AUTS2: variants seen among roughly 807,000 people sequenced by gnomAD.
AUTS2 encodes the protein autism susceptibility gene 2 protein.
Under a neutral mutation model 112.4 loss-of-function variants are expected in AUTS2, and 17 were observed. The observed-to-expected ratio is 0.15, with a 90% CI of 0.10 to 0.23. AUTS2 has a LOEUF of 0.23. AUTS2 is among the 10% of genes least tolerant of loss of function. The probability of loss-of-function intolerance (pLI) is 1.00; values close to 1 mark genes in which losing one functional copy is unlikely to be tolerated. For missense variants in AUTS2, 1,510 were observed against 1,701.6 expected, an observed-to-expected ratio of 0.89 and a Z score of 1.98; for synonymous variants, 751 against 702.7, an observed-to-expected ratio of 1.07 and a Z score of -1.09.
chr7:70,512,682 A>G (rs1434768535), intron 5 of AUTS2, among the ~76,000 whole-genome samples: 2 of 152,200 alleles, frequency 1.3e-5, no homozygotes, highest in African/African-American at 4.8e-5. Context: ...GCTCAGGAGC[A>G]TGGAAATTGG....
intron 1 of AUTS2, among the ~76,000 whole-genome samples, chr7:69,807,159 A>G (rs1790345449): frequency 6.6e-6 from 1 of 152,178 alleles, no homozygotes. Flanking sequence ...GCACAATCTA[A>G]TTTTGTTTCC....
At chr7:70,504,724 T>C (rs997590551) in intron 5 of AUTS2, among the ~76,000 whole-genome samples, 2 of 152,210 alleles carry the variant, frequency 1.3e-5, no homozygotes, top group African/African-American at 4.8e-5. Flanking sequence ...TATCCACGTT[T>C]CTGTAATCTT....
chr7:70,518,622 G>T (rs1799516238), intron 5 of AUTS2, among the ~76,000 whole-genome samples: 1 of 151,728 alleles, frequency 6.6e-6, no homozygotes, highest in Non-Finnish European at 1.5e-5. Flanking sequence ...GCCGGAGCTT[G>T]CAGTGAGCCG....
rs73449691 is a variant in AUTS2 at position 70,625,328 on chromosome 7, A to G, written c.691-73241A>G. On this transcript the variant is annotated intron_variant, in intron 5 of 18. Transcript: ENST00000342771. ...GAATGAATGAATGAGTGTGTATCCA[A>G]TTTGACTTTAGAGTTATTTCCCGAC... Among the ~76,000 whole-genome samples, 923 of 152,186 alleles carry G rather than the reference A, an allele frequency of 6.1e-3. 8 individuals are homozygous for G. The highest frequency in any genetic ancestry group is 0.021 in the African/African-American group (882 of 41,536).
intron 5 of AUTS2, among the ~76,000 whole-genome samples, chr7:70,681,321 G>A (rs1194710544): frequency 6.6e-6 from 1 of 152,076 alleles, no homozygotes; most frequent in Non-Finnish European, 1.5e-5. Context: ...CCCGCTCCCC[G>A]AGGGTTTGCA....
At chr7:69,804,427 G>A (rs1056337937) in intron 1 of AUTS2, among the ~76,000 whole-genome samples, 6 of 152,166 alleles carry the variant, frequency 3.9e-5, no homozygotes, top group African/African-American at 1.4e-4. Flanking sequence ...CATGTCAGAG[G>A]TTTACCTCAC....
intron 2 of AUTS2, among the ~76,000 whole-genome samples, chr7:69,996,758 C>G (rs1442300670): frequency 6.6e-6 from 1 of 151,906 alleles, no homozygotes; most frequent in African/African-American, 2.4e-5. Flanking sequence ...TACTCCCCTG[C>G]TATATTTGTT....
At chr7:70,591,259 G>A (rs936285012) in intron 5 of AUTS2, among the ~76,000 whole-genome samples, 2 of 152,106 alleles carry the variant, frequency 1.3e-5, no homozygotes, top group African/African-American at 4.8e-5. Flanking sequence ...CCATTTGTGG[G>A]TGTCTGTTTC....
chr7:69,720,046 G>A (rs1053116122), intron 1 of AUTS2, among the ~76,000 whole-genome samples: 2 of 152,208 alleles, frequency 1.3e-5, no homozygotes, highest in Non-Finnish European at 2.9e-5. Context: ...GACAGTGTGA[G>A]CATAGAAGTA....
At chr7:69,632,044 G>A (rs1794268191) in intron 1 of AUTS2, among the ~76,000 whole-genome samples, 1 of 152,150 alleles carries the variant, frequency 6.6e-6, no homozygotes, top group African/African-American at 2.4e-5. Flanking sequence ...GGCAGTCAGT[G>A]GGATTAAATG....
intron 2 of AUTS2, among the ~76,000 whole-genome samples, chr7:69,918,958 C>A (rs1038219003): frequency 1.3e-5 from 2 of 152,036 alleles, no homozygotes; most frequent in Non-Finnish European, 2.9e-5. Flanking sequence ...TATTCCTGTC[C>A]ATTTCCACAT....
chr7:70,741,737 T>C (rs1390934215), intron 6 of AUTS2, among the ~76,000 whole-genome samples: 1 of 151,288 alleles, frequency 6.6e-6, no homozygotes, highest in Non-Finnish European at 1.5e-5. Context: ...ACAATAAATA[T>C]GGCATCTACC....
chr7:69,738,220 C>T (rs555547239), intron 1 of AUTS2, among the ~76,000 whole-genome samples: 5 of 152,092 alleles, frequency 3.3e-5, no homozygotes, highest in South Asian at 4.2e-4. Context: ...AAGCCATATC[C>T]TTGGATCCAT....
chr7:69,710,409 G>T (rs1315025912), intron 1 of AUTS2, among the ~76,000 whole-genome samples: 1 of 152,218 alleles, frequency 6.6e-6, no homozygotes, highest in Non-Finnish European at 1.5e-5. Context: ...TGAGATTGAG[G>T]CTTTTGGCTT....
intron 5 of AUTS2, among the ~76,000 whole-genome samples, chr7:70,534,730 T>G (rs1800242726): frequency 6.6e-6 from 1 of 152,090 alleles, no homozygotes; most frequent in African/African-American, 2.4e-5. Flanking sequence ...CCAGCCTTTT[T>G]TTGTTTTTTA....
chr7:69,626,176 T>A (rs2129097375), intron 1 of AUTS2, among the ~76,000 whole-genome samples: 1 of 152,268 alleles, frequency 6.6e-6, no homozygotes, highest in South Asian at 2.1e-4. Context: ...AATGTTGGAA[T>A]AGGTAAAGTG....
chr7:69,621,992 C>A (rs1309555079), intron 1 of AUTS2, among the ~76,000 whole-genome samples: 2 of 151,742 alleles, frequency 1.3e-5, no homozygotes, highest in Admixed American at 1.3e-4. Flanking sequence ...AAACAAAAAC[C>A]CTAAATACAA....
At chr7:70,485,532 G>A (rs990963799) in intron 5 of AUTS2, among the ~76,000 whole-genome samples, 2 of 152,108 alleles carry the variant, frequency 1.3e-5, no homozygotes, top group African/African-American at 4.8e-5. Flanking sequence ...ACACTGCTCA[G>A]GTGACGGCTG....
intron 5 of AUTS2, among the ~76,000 whole-genome samples, chr7:70,601,358 C>T (rs1044398023): frequency 1.3e-5 from 2 of 152,180 alleles, no homozygotes; most frequent in Admixed American, 1.3e-4. Context: ...CTTAGGGCAG[C>T]TCTTTTTGTT....
Sources: gnomAD v4.1 joint callset for allele counts (sites outside exome capture counted in the v4.1 genomes callset) on GRCh38, gnomAD v4.1.1 for gene constraint, MANE v1.5 for transcripts, NCBI Gene and HGNC (gene_info 2026-07-23, HGNC 2026-07-21) for gene names.